Variants in PDE7B observed in about 807,000 individuals in gnomAD.
The protein encoded by PDE7B is phosphodiesterase 7B, also known as 3',5'-cyclic-AMP phosphodiesterase 7B.
A neutral mutation model predicts 56.2 loss-of-function variants in PDE7B; 29 were observed. That is an observed-to-expected ratio of 0.52 (90% CI 0.38 to 0.70). The LOEUF (loss-of-function observed/expected upper bound fraction) is 0.70, where lower values mean the gene tolerates loss of function less well. Ranked by LOEUF, PDE7B falls within the 30% of genes least tolerant of loss-of-function variation. The pLI is 0.00. For synonymous variants in PDE7B, 197 were observed against 196.9 expected (o/e 1.00, Z 0.00); for missense variants, 490 against 565.0 (o/e 0.87, Z 1.35).
intron 1 of PDE7B, among the ~76,000 whole-genome samples, chr6:135,928,465 T>TATA (rs1774231425): frequency 2.6e-5 from 2 of 75,562 alleles, no homozygotes; most frequent in African/African-American, 1.1e-4. Flanking sequence ...ATATATATAT[T>TATA]TATTTATATA....
chr6:136,013,243 G>A (rs1050980835), intron 2 of PDE7B, among the ~76,000 whole-genome samples: 44 of 152,120 alleles, frequency 2.9e-4, no homozygotes, highest in Non-Finnish European at 3.4e-4. Flanking sequence ...AATAAGTTAT[G>A]CAATAAGCTA....
At chr6:136,029,885 A>G (rs1033521432) in intron 2 of PDE7B, among the ~76,000 whole-genome samples, 1 of 152,180 alleles carries the variant, frequency 6.6e-6, no homozygotes, top group African/African-American at 2.4e-5. Flanking sequence ...TCCAGTAGGA[A>G]TCCCTGTACT....
At chr6:136,059,660 G>A (rs374679931) in intron 2 of PDE7B, among the ~76,000 whole-genome samples, 17 of 152,166 alleles carry the variant, frequency 1.1e-4, no homozygotes, top group Admixed American at 3.9e-4. Context: ...CTCCAAGAAC[G>A]TAGTAGCTGC....
chr6:136,113,381 A>C (rs556627851), intron 3 of PDE7B, among the ~76,000 whole-genome samples: 2 of 152,362 alleles, frequency 1.3e-5, no homozygotes, highest in South Asian at 4.1e-4. Flanking sequence ...ATAGAAATAC[A>C]TAACACTCAT....
chr6:136,109,236 G>A (rs1448128242), intron 3 of PDE7B, among the ~76,000 whole-genome samples: 2 of 152,068 alleles, frequency 1.3e-5, no homozygotes, highest in Non-Finnish European at 2.9e-5. Context: ...CTTAATTGGG[G>A]GCTGAGGTGA....
chr6:135,873,438 T>C (rs1420568755), intron 1 of PDE7B, among the ~76,000 whole-genome samples: 1 of 152,176 alleles, frequency 6.6e-6, no homozygotes, highest in African/African-American at 2.4e-5. Flanking sequence ...TAGTTTTATT[T>C]TGGAGTTTTT....
chr6:135,910,744 C>T (rs991512570), intron 1 of PDE7B, among the ~76,000 whole-genome samples: 3 of 152,138 alleles, frequency 2.0e-5, no homozygotes, highest in African/African-American at 7.2e-5. Flanking sequence ...ACTCATCCCT[C>T]CCACAACCCC....
rs1778469060 is a variant in PDE7B, at chr6:136,149,162, A to G, written c.382+12A>G. The G allele has an allele frequency of 1.3e-6, 2 of 1,571,510 alleles. No individual in the cohort carries two copies. Among genetic ancestry groups the G allele is most frequent in the East Asian group, 4.5e-5 (2 of 44,660 alleles). Reference sequence around the variant, plus strand: ...TCGCTTGACAAATGGTAAGTTACCCAAAAGAATTCTCACTAAAATATACAC... The same window carrying G: ...TCGCTTGACAAATGGTAAGTTACCCGAAAGAATTCTCACTAAAATATACAC... On this transcript the variant is annotated intron_variant, in intron 5 of 12. Transcript: ENST00000308191.
In PDE7B at chr6:136,019,309, A is replaced by G. The variant is rs140467887; in HGVS notation, c.82+71785A>G. On this transcript the variant is annotated intron_variant, in intron 2 of 12. Coordinates refer to ENST00000308191, the MANE Select transcript of PDE7B (RefSeq NM_018945.4). Reference sequence around the variant, plus strand: ...TAAGTTAATTCATTGAAATTAATTCATTGAATATATGTAATTTTAACTTTA... The same window carrying G: ...TAAGTTAATTCATTGAAATTAATTCGTTGAATATATGTAATTTTAACTTTA... Among the ~76,000 whole-genome samples, 56 of 152,286 alleles carry G rather than the reference A, an allele frequency of 3.7e-4. 1 individual carries two copies. In the East Asian group the frequency reaches 0.01, roughly 27 times the overall value.
chr6:136,181,192 C>G (rs1779058303), intron 10 of PDE7B, 35 bp from the exon 11 acceptor site: 7 of 1,487,930 alleles, frequency 4.7e-6, no homozygotes, highest in African/African-American at 1.4e-5. Context: ...AAAGAACATC[C>G]TCTCACAATT....
intron 1 of PDE7B, among the ~76,000 whole-genome samples, chr6:135,862,230 A>G (rs530555459): frequency 6.6e-6 from 1 of 151,982 alleles, no homozygotes; most frequent in South Asian, 2.1e-4. Flanking sequence ...ATAACATTTG[A>G]AAGTTTCCTT....
At chr6:135,910,541 C>T (rs1776194215) in intron 1 of PDE7B, among the ~76,000 whole-genome samples, 1 of 152,176 alleles carries the variant, frequency 6.6e-6, no homozygotes. Context: ...TCCACATCCC[C>T]CACCAAAGTT....
chr6:136,075,371 T>C (rs887602994), intron 2 of PDE7B, among the ~76,000 whole-genome samples: 6 of 152,178 alleles, frequency 3.9e-5, no homozygotes, highest in African/African-American at 1.4e-4. Context: ...AAGGAAAACA[T>C]GCTGAACTGT....
At chr6:135,887,586 T>C (rs1775732507) in intron 1 of PDE7B, among the ~76,000 whole-genome samples, 2 of 152,190 alleles carry the variant, frequency 1.3e-5, no homozygotes, top group Non-Finnish European at 2.9e-5. Flanking sequence ...TGTTGTGTAC[T>C]GTATTCTGCT....
chr6:136,050,016 G>C (rs866636108), intron 2 of PDE7B, among the ~76,000 whole-genome samples: 15 of 152,192 alleles, frequency 9.9e-5, no homozygotes, highest in Middle Eastern at 6.8e-3. Flanking sequence ...GCTAGTTATT[G>C]ACTGCACAAG....
At chr6:136,175,567 A>G (rs1778963868) in intron 9 of PDE7B, among the ~76,000 whole-genome samples, 1 of 152,146 alleles carries the variant, frequency 6.6e-6, no homozygotes, top group Non-Finnish European at 1.5e-5. Flanking sequence ...ATACAAACTT[A>G]TTTTAACAAA....
intron 1 of PDE7B, among the ~76,000 whole-genome samples, chr6:135,892,220 A>G (rs1203900289): frequency 2.6e-5 from 4 of 152,108 alleles, no homozygotes; most frequent in East Asian, 1.9e-4. Context: ...TTGGGCTTCT[A>G]TGAAATATAT....
intron 1 of PDE7B, among the ~76,000 whole-genome samples, chr6:135,911,675 T>G (rs1281283865): frequency 6.6e-6 from 1 of 152,182 alleles, no homozygotes; most frequent in Non-Finnish European, 1.5e-5. Flanking sequence ...GGCCAGGCAC[T>G]GTGAACCTAT....
At chr6:135,933,274 G>A (rs1240540676) in intron 1 of PDE7B, among the ~76,000 whole-genome samples, 3 of 152,142 alleles carry the variant, frequency 2.0e-5, no homozygotes, top group Non-Finnish European at 4.4e-5. Context: ...TGTTTACTTT[G>A]TGTGTACACA....
Sources: gnomAD v4.1 joint callset for allele counts (sites outside exome capture counted in the v4.1 genomes callset) on GRCh38, gnomAD v4.1.1 for gene constraint, MANE v1.5 for transcripts, NCBI Gene and HGNC (gene_info 2026-07-23, HGNC 2026-07-21) for gene names.